FBXO34: variants seen among roughly 807,000 people sequenced by gnomAD.
The protein encoded by FBXO34 is F-box protein 34.
In FBXO34, 12 loss-of-function variants were observed where a neutral mutation model predicts 24.5. That is an observed-to-expected ratio of 0.49 (90% confidence interval 0.31 to 0.79). The LOEUF (loss-of-function observed/expected upper bound fraction) is 0.79, where lower values mean the gene tolerates loss of function less well. FBXO34 is among the 30% of genes least tolerant of loss of function. The pLI is 0.04. For synonymous variants in FBXO34, 320 were observed against 311.9 expected (o/e 1.03, Z -0.27); for missense variants, 823 against 857.7 (o/e 0.96, Z 0.51).
the FBXO34 span, among the ~76,000 whole-genome samples, chr14:55,405,182 G>C: frequency 6.6e-6 from 1 of 152,166 alleles, no homozygotes; most frequent in South Asian, 2.1e-4. Flanking sequence ...TCAGTATACA[G>C]AATTGAATTC....
chr14:55,364,376 G>GTC (rs1469732792), downstream of FBXO34, among the ~76,000 whole-genome samples: 1 of 152,182 alleles, frequency 6.6e-6, no homozygotes, highest in African/African-American at 2.4e-5. Context: ...TAACTCTTTA[G>GTC]TTTACTATCC....
At chr14:55,289,274 C>G (rs1881862937) in intron 1 of FBXO34, among the ~76,000 whole-genome samples, 1 of 151,878 alleles carries the variant, frequency 6.6e-6, no homozygotes, top group Non-Finnish European at 1.5e-5. Flanking sequence ...AAACCAAAAT[C>G]TAATATAAAC....
the FBXO34 span, chr14:55,436,799 T>G: frequency 6.2e-7 from 1 of 1,614,212 alleles, no homozygotes; most frequent in Non-Finnish European, 8.5e-7. Context: ...CTTTCAGAAT[T>G]TTCTTCAGTT....
At chr14:55,318,172 C>T (rs1275332578) in intron 1 of FBXO34, 1 of 151,552 alleles carries the variant, frequency 6.6e-6, no homozygotes, top group African/African-American at 2.4e-5. Context: ...TATGTCTTTA[C>T]ATTTCCCTAG....
At chr14:55,375,497 T>A in the FBXO34 span, among the ~76,000 whole-genome samples, 1 of 134,328 alleles carries the variant, frequency 7.4e-6, no homozygotes, top group East Asian at 2.0e-4. Context: ...TAAATTTTTT[T>A]TTTTTTTTTT....
At chr14:55,370,673 G>A (rs1437939335), downstream of FBXO34, among the ~76,000 whole-genome samples, 2 of 151,528 alleles carry the variant, frequency 1.3e-5, no homozygotes, top group Admixed American at 6.6e-5. Flanking sequence ...ACAGAGTCTC[G>A]TTCTGTTGCC....
At chr14:55,313,068 A>T (rs1015429136) in intron 1 of FBXO34, among the ~76,000 whole-genome samples, 5 of 152,222 alleles carry the variant, frequency 3.3e-5, no homozygotes, top group South Asian at 4.1e-4. Flanking sequence ...TCCAATTCCA[A>T]ACCATCTCTT....
At chr14:55,299,260 G>A (rs1882256328) in intron 1 of FBXO34, 1 of 802,644 alleles carries the variant, frequency 1.2e-6, no homozygotes, top group South Asian at 1.4e-5. Context: ...TGGAGAACTG[G>A]GCTGGGTCCA....
At chr14:55,439,823 C>G in the FBXO34 span, among the ~76,000 whole-genome samples, 1 of 149,728 alleles carries the variant, frequency 6.7e-6, no homozygotes, top group African/African-American at 2.5e-5. Context: ...CCCAGCTACT[C>G]GGGAGGCTGA....
In FBXO34 at chr14:55,318,300, T is replaced by C. The variant is rs117947576; in HGVS notation, c.-10-32081T>C. 678 of 118,214 alleles carry C rather than the reference T, an allele frequency of 5.7e-3. 11 individuals are homozygous for C. Among genetic ancestry groups the C allele is most frequent in the South Asian group, 0.046 (148 of 3,234 alleles). 7.3% of individuals were successfully genotyped at this position (118,214 alleles called of 1,614,324 possible). A position where few individuals can be genotyped will look rare whatever the true frequency, so the allele number is the denominator to read the frequency against. On this transcript the variant is annotated intron_variant, in intron 1 of 1. Transcript: ENST00000313833. The stretch of plus-strand genomic sequence containing the variant: ...TAACTTAAACAATTTAAGTTCTAAA[T>C]AGGCATAGCCAATCCCCTGTTGGTT...
chr14:55,348,305 T>G (rs1286194985), intron 1 of FBXO34, among the ~76,000 whole-genome samples: 2 of 152,126 alleles, frequency 1.3e-5, no homozygotes, highest in African/African-American at 2.4e-5. Flanking sequence ...CATAGCTTAC[T>G]GTAACCTTAA....
chr14:55,395,861 T>A, the FBXO34 span: 3 of 1,087,318 alleles, frequency 2.8e-6, no homozygotes, highest in Non-Finnish European at 3.8e-6. Flanking sequence ...TTAAAAATTT[T>A]AATTAAAAAT....
the FBXO34 span, among the ~76,000 whole-genome samples, chr14:55,407,407 G>A: frequency 0.23 from 34,324 of 152,022 alleles, 4,124 homozygotes; most frequent in South Asian, 0.27. Flanking sequence ...GGGATTACAG[G>A]CGTGAGCCAC....
the FBXO34 span, among the ~76,000 whole-genome samples, chr14:55,379,132 T>C: frequency 1.3e-5 from 2 of 152,226 alleles, no homozygotes; most frequent in Non-Finnish European, 2.9e-5. Flanking sequence ...AAGGATTATT[T>C]TTTTGTCACC....
chr14:55,340,316 C>T (rs1344965852), intron 1 of FBXO34, among the ~76,000 whole-genome samples: 1 of 152,090 alleles, frequency 6.6e-6, no homozygotes, highest in East Asian at 1.9e-4. Flanking sequence ...ATGATCATAG[C>T]TCACTGCAAC....
chr14:55,424,249 C>T, the FBXO34 span: 3 of 1,607,866 alleles, frequency 1.9e-6, no homozygotes, highest in East Asian at 2.2e-5. Flanking sequence ...AGTTCAGGCT[C>T]GTAACTGTTA....
Position 55,346,871 on chromosome 14 carries a change from G to C in FBXO34, c.-10-3510G>C, listed in dbSNP as rs886908291. ...TAGATGAGATGCTTCAGTATGGACT[G>C]TCTGCTTGGCATTTTGTTGGGCAGT... On this transcript the variant is annotated intron_variant, in intron 1 of 1. Coordinates refer to ENST00000313833, the MANE Select transcript of FBXO34 (RefSeq NM_017943.4). Among the ~76,000 whole-genome samples, 4 of 152,180 alleles carry C rather than the reference G, an allele frequency of 2.6e-5. No homozygotes were observed. In the East Asian group the frequency reaches 5.8e-4, roughly 22 times the overall value.
chr14:55,393,959 G>A, the FBXO34 span, among the ~76,000 whole-genome samples: 1 of 151,056 alleles, frequency 6.6e-6, no homozygotes, highest in African/African-American at 2.4e-5. Flanking sequence ...TCATTCCACA[G>A]CACGTAGACT....
chr14:55,440,340 G>A, the FBXO34 span: 1 of 1,603,574 alleles, frequency 6.2e-7, no homozygotes, highest in Non-Finnish European at 8.5e-7. Context: ...AAAGCCCTTG[G>A]CACAGGACCG....
Sources: gnomAD v4.1 joint callset for allele counts (sites outside exome capture counted in the v4.1 genomes callset) on GRCh38, gnomAD v4.1.1 for gene constraint, MANE v1.5 for transcripts, NCBI Gene and HGNC (gene_info 2026-07-23, HGNC 2026-07-21) for gene names.